The following NAALADL1 variants were observed in gnomAD, a reference collection of about 807,000 sequenced individuals.
NAALADL1 encodes the protein N-acetylated alpha-linked acidic dipeptidase like 1.
A neutral mutation model predicts 82.8 loss-of-function variants in NAALADL1; 77 were observed. That is an observed-to-expected ratio of 0.93 (90% CI 0.77 to 1.12). The LOEUF is 1.12. Among genes scored for constraint, NAALADL1 ranks in the 50% most tolerant of loss-of-function variants. The pLI is 0.00. For synonymous variants in NAALADL1, 358 were observed against 399.2 expected (o/e 0.90, Z 1.23); for missense variants, 956 against 964.0 (o/e 0.99, Z 0.11).
rs768410770 is a variant in NAALADL1 at position 65,057,848 on chromosome 11, G to T, written c.480+27C>A. The T allele has an allele frequency of 2.5e-6, 4 of 1,612,202 alleles. No homozygotes were observed. The South Asian group carries it at 3.3e-5, about 13-fold the overall frequency. On this transcript the variant is annotated intron_variant, in intron 3 of 17. Transcript: ENST00000358658. ...GGGTGGAACCAAGGGAGCTGGGCCA[G>T]AGCAGTAGGGGGGGTTCTGGGCCCA...
chr11:65,059,134 T>C (rs1483733749), upstream of NAALADL1, among the ~76,000 whole-genome samples: 1 of 152,012 alleles, frequency 6.6e-6, no homozygotes, highest in Non-Finnish European at 1.5e-5. Flanking sequence ...TGCATCGGCC[T>C]CCCGAGTAGC....
chr11:65,057,392 C>T lies in NAALADL1; in HGVS notation c.582G>A (p.Gly194=). The T allele has an allele frequency of 6.2e-7, 1 of 1,613,906 alleles. No individual in the cohort carries two copies. Among genetic ancestry groups the T allele is most frequent in the Non-Finnish European group, 8.5e-7 (1 of 1,179,866 alleles). ...TCACCTTGGCCCCACGCCCTACACCCCCATATCGAGTCAGGGCAATGGTGC... is the reference window on the plus strand; with the variant it reads ...TCACCTTGGCCCCACGCCCTACACCTCCATATCGAGTCAGGGCAATGGTGC... ...LEGTIALTRY[G]GVGRGAKAVN... The change falls in exon 4 of 18, where the codon GGG becomes GGA. Residue 194 remains glycine (G), a synonymous_variant. Transcript: ENST00000358658.
At position 65,047,474 on chromosome 11, in the gene NAALADL1, C is replaced by G; in HGVS notation, c.1599+1G>C. ...GCAGGGACGGAGGGGCGCCTGCTCA[C>G]CCGGTCATAGGTATAGGCAATGTCC... On this transcript the variant is annotated splice_donor_variant, in intron 13 of 17. Transcript: ENST00000358658. LOFTEE classifies it high-confidence loss of function. The G allele has an allele frequency of 6.4e-7, 1 of 1,559,608 alleles. No homozygotes were observed. The highest frequency in any genetic ancestry group is 8.7e-7 in the Non-Finnish European group (1 of 1,151,546).
chr11:65,060,916 G>T (rs1204062056), upstream of NAALADL1, among the ~76,000 whole-genome samples: 1 of 152,070 alleles, frequency 6.6e-6, no homozygotes, highest in Non-Finnish European at 1.5e-5. Context: ...TCCAGGACCA[G>T]CAATGCACTG....
intron 10 of NAALADL1, 25 bp from the exon 11 acceptor site, chr11:65,048,073 A>C: frequency 6.2e-7 from 1 of 1,611,090 alleles, no homozygotes. Flanking sequence ...GAGAAAGACT[A>C]TTTGGGCCCC....
chr11:65,053,298 A>G lies in NAALADL1; in HGVS notation c.1118T>C (p.Val373Ala). 1 of 1,558,976 alleles carries G rather than the reference A, an allele frequency of 6.4e-7. No individual in the cohort carries two copies. The highest frequency in any genetic ancestry group is 8.7e-7 in the Non-Finnish European group (1 of 1,152,388). Residue 373 changes from valine (V) to alanine (A), a missense_variant, in exon 8 of 18, where the codon GTG (valine) becomes GCG (alanine). Val to Ala is a moderately conservative substitution (Grantham distance 64). Coordinates refer to ENST00000358658, the MANE Select transcript of NAALADL1 (RefSeq NM_005468.3). This position sits in a 1 kb window ranked among gnomAD's most constrained non-coding sequence, Gnocchi z 4.3. ...VLYGNHRDSW[V>A]HGAVDPSSGT... is the part of the protein sequence containing the mutation. ...ACTGCTGGGGTCCACAGCCCCGTGCACCCAGCTGTCTCGGTGGTTCCCATA... is the reference window on the plus strand; with the variant it reads ...ACTGCTGGGGTCCACAGCCCCGTGCGCCCAGCTGTCTCGGTGGTTCCCATA...
Position 65,054,205 on chromosome 11 carries a change from G to T in NAALADL1, c.992+45C>A. On this transcript the variant is annotated intron_variant, in intron 6 of 17. Coordinates refer to ENST00000358658, the MANE Select transcript of NAALADL1 (RefSeq NM_005468.3). The surrounding 1 kb of genome is among the most constrained non-coding windows in gnomAD (Gnocchi z 4.3). ...CACAAGGGAAGGGGAGAGGCGAGTTGGGGGAGAGGGCAACTGAGGGAGACC... is the reference window on the plus strand; with the variant it reads ...CACAAGGGAAGGGGAGAGGCGAGTTTGGGGAGAGGGCAACTGAGGGAGACC... 2.0e-6 allele frequency: 3 copies of T among 1,523,744 alleles called. No individual in the cohort carries two copies. The allele number at this position is 1,523,744 out of a possible 1,614,324, so 94.4% of individuals were successfully genotyped here.
In NAALADL1 at chr11:65,054,195, G is replaced by C. The variant is rs1277640397; in HGVS notation, c.992+55C>G. On this transcript the variant is annotated intron_variant, in intron 6 of 17. Coordinates refer to ENST00000358658, the MANE Select transcript of NAALADL1 (RefSeq NM_005468.3). This position sits in a 1 kb window ranked among gnomAD's most constrained non-coding sequence, Gnocchi z 4.3. ...GGAACATCATCACAAGGGAAGGGGA[G>C]AGGCGAGTTGGGGGAGAGGGCAACT... is the stretch of plus-strand genomic sequence containing the variant. The C allele has an allele frequency of 2.8e-6, 4 of 1,441,196 alleles. No individual in the cohort carries two copies. The East Asian group carries it at 9.1e-5, about 33-fold the overall frequency. 89.3% of individuals were successfully genotyped at this position (1,441,196 alleles called of 1,614,324 possible). A position where few individuals can be genotyped will look rare whatever the true frequency, so the allele number is the denominator to read the frequency against.
At chr11:65,048,477 G>A (rs995489749) in intron 8 of NAALADL1, 92 bp from the exon 9 acceptor site, 10 of 1,384,346 alleles carry the variant, frequency 7.2e-6, no homozygotes, top group South Asian at 1.2e-5. Context: ...AGGGGAGAGC[G>A]GGAAAAGGCG....
intron 13 of NAALADL1, 80 bp downstream of exon 13, chr11:65,047,395 C>G: frequency 8.0e-7 from 1 of 1,242,556 alleles, no homozygotes; most frequent in African/African-American, 1.5e-5. Context: ...AGGGTTCAGT[C>G]TGTATGAGAA....
chr11:65,050,704 G>C (rs1352804132), intron 8 of NAALADL1, among the ~76,000 whole-genome samples: 1 of 151,940 alleles, frequency 6.6e-6, no homozygotes, highest in East Asian at 1.9e-4. Flanking sequence ...GCAGGAGAAT[G>C]GCTTGAACCT....
At chr11:65,051,315 C>CTTTCTTTTTTTTTTT in intron 8 of NAALADL1, among the ~76,000 whole-genome samples, 1 of 59,572 alleles carries the variant, frequency 1.7e-5, no homozygotes, top group Non-Finnish European at 3.2e-5. Flanking sequence ...TTCTTTCTTT[C>CTTTCTTTTTTTTTTT]TTTTTTTTTT....
intron 8 of NAALADL1, 125 bp from the exon 9 acceptor site, chr11:65,048,510 C>A (rs144468938): frequency 6.4e-4 from 669 of 1,039,494 alleles, no homozygotes; most frequent in Middle Eastern, 4.1e-3. Flanking sequence ...ACAGGATGTC[C>A]TGGCACCCTG....
intron 4 of NAALADL1, 149 bp downstream of exon 4, chr11:65,057,222 C>A: frequency 8.1e-7 from 1 of 1,233,616 alleles, no homozygotes; most frequent in East Asian, 2.5e-5. Context: ...TGGGACAACC[C>A]GAAAACACCT....
upstream of NAALADL1, among the ~76,000 whole-genome samples, chr11:65,058,705 A>G (rs1274578601): frequency 6.6e-6 from 1 of 152,140 alleles, no homozygotes; most frequent in East Asian, 1.9e-4. Flanking sequence ...CACATCCTGC[A>G]CCATTTGCCT....
chr11:65,052,374 C>T (rs552440269), intron 8 of NAALADL1, among the ~76,000 whole-genome samples: 42 of 151,968 alleles, frequency 2.8e-4, no homozygotes, highest in Non-Finnish European at 5.0e-4. Flanking sequence ...AGTGCAGTGG[C>T]GCGATCTCAG....
rs1427762609 is a variant in NAALADL1 at position 65,054,413 on chromosome 11, G to A, written c.887+42C>T. On this transcript the variant is annotated intron_variant, in intron 5 of 17. Transcript: ENST00000358658. This position sits in a 1 kb window ranked among gnomAD's most constrained non-coding sequence, Gnocchi z 4.3. ...GTGAGTGTGGGGCTTGAAGTCTGGA[G>A]GCCACTGGGGCTGGGCAGGACACCC... 1.2e-6 allele frequency: 2 copies of A among 1,612,438 alleles called. No homozygotes were observed. The highest frequency in any genetic ancestry group is 2.7e-5 in the African/African-American group (2 of 74,978).
At chr11:65,057,808 G>A in intron 3 of NAALADL1, 67 bp downstream of exon 3, 1 of 1,599,266 alleles carries the variant, frequency 6.3e-7, no homozygotes, top group Admixed American at 1.7e-5. Context: ...CCTGGGTCAG[G>A]GTGGGGAGAA....
intron 13 of NAALADL1, 121 bp downstream of exon 13, chr11:65,047,354 A>G: frequency 1.3e-6 from 1 of 796,948 alleles, no homozygotes; most frequent in Non-Finnish European, 2.0e-6. Context: ...TTTTTAAGAA[A>G]CTTGGCAGAG....
Sources: gnomAD v4.1 joint callset for allele counts (sites outside exome capture counted in the v4.1 genomes callset) on GRCh38, gnomAD v4.1.1 for gene constraint, Gnocchi (gnomAD v3.1) non-coding constraint, MANE v1.5 for transcripts, NCBI Gene and HGNC (gene_info 2026-07-23, HGNC 2026-07-21) for gene names.